SMS: variants seen among roughly 807,000 people sequenced by gnomAD.
SMS encodes spermine synthase, also known as spermidine aminopropyltransferase.
SMS carries 3 observed loss-of-function variants against 33.0 expected under a neutral mutation model. The observed-to-expected ratio is 0.09, with a 90% CI of 0.04 to 0.23. SMS has a LOEUF of 0.23. Among genes scored for constraint, SMS ranks in the 10% least tolerant of loss-of-function variants. The pLI is 1.00. For missense variants in SMS, 117 were observed against 288.6 expected (o/e 0.41, Z 4.31); for synonymous variants, 103 against 112.2 (o/e 0.92, Z 0.52).
At chrX:21,949,404 T>C (rs915687443) in intron 1 of SMS, among the ~76,000 whole-genome samples, 11 of 112,191 alleles carry the variant, frequency 9.8e-5, no homozygotes, top group Admixed American at 2.8e-4. Flanking sequence ...TGCTCAGTTA[T>C]AAAGAGGTGT....
At chrX:21,956,460 A>C (rs940430755) in intron 1 of SMS, among the ~76,000 whole-genome samples, 1 of 105,038 alleles carries the variant, frequency 9.5e-6, no homozygotes, top group Non-Finnish European at 2.0e-5. Flanking sequence ...ATTTTTTTTT[A>C]TTTTTATTTT....
rs777725645 is a variant in SMS, at chrX:21,978,985, A to G, written c.750+19A>G. On this transcript the variant is annotated intron_variant, in intron 7 of 10. Coordinates refer to ENST00000404933, the MANE Select transcript of SMS (RefSeq NM_004595.5). Reference sequence around the variant, plus strand: ...CTATCAGGTAATTGTTTTCTGGATAATGTAGTTTTAAGTGAACTAATAATA... The same window carrying G: ...CTATCAGGTAATTGTTTTCTGGATAGTGTAGTTTTAAGTGAACTAATAATA... 8.4e-6 allele frequency: 9 copies of G among 1,070,371 alleles called. No individual in the cohort carries two copies. Among genetic ancestry groups the G allele is most frequent in the Non-Finnish European group, 1.2e-5 (9 of 768,048 alleles). The allele number at this position is 1,070,371 out of a possible 1,213,427, so 88.2% of individuals were successfully genotyped here.
chrX:21,988,035 G>T (rs1409596068), intron 9 of SMS, among the ~76,000 whole-genome samples: 1 of 112,356 alleles, frequency 8.9e-6, no homozygotes, highest in Non-Finnish European at 1.9e-5. Flanking sequence ...GCCCAGGGCT[G>T]TCTTGGTTTC....
intron 2 of SMS, 62 bp downstream of exon 2, chrX:21,967,378 G>A: frequency 8.7e-7 from 1 of 1,152,348 alleles, no homozygotes; most frequent in South Asian, 1.8e-5. Flanking sequence ...GGGTGACAGA[G>A]TGGAGGATGG....
chrX:21,965,826 C>T (rs374674723), intron 1 of SMS, among the ~76,000 whole-genome samples: 95 of 110,262 alleles, frequency 8.6e-4, no homozygotes, highest in Non-Finnish European at 1.6e-3. Context: ...CATGGTGGTT[C>T]GCACCTGTAG....
intron 5 of SMS, 132 bp from the exon 6 acceptor site, chrX:21,977,828 T>G (rs1602211113): frequency 2.7e-5 from 18 of 656,683 alleles, no homozygotes; most frequent in Middle Eastern, 3.0e-4. Context: ...GCTTGCAAAT[T>G]GTTCACAGTT....
At chrX:21,990,033 C>T (rs1371287352) in intron 9 of SMS, among the ~76,000 whole-genome samples, 2 of 112,186 alleles carry the variant, frequency 1.8e-5, no homozygotes, top group Non-Finnish European at 3.8e-5. Flanking sequence ...TGAGCCGCCA[C>T]ACCTGGCCCC....
chrX:21,948,177 C>T (rs958906381), intron 1 of SMS, among the ~76,000 whole-genome samples: 1 of 111,260 alleles, frequency 9.0e-6, no homozygotes, highest in African/African-American at 3.3e-5. Context: ...CAAGTTATAC[C>T]GATTTCCTTA....
rs987534217 is a variant in SMS at position 21,941,644 on chromosome X, T to C, written c.49+771T>C. ...GCTCACGCCTGTAATCCTAGCACTT[T>C]GGGAGGCCGAGGCGGGCGGATCACG... On this transcript the variant is annotated intron_variant, in intron 1 of 10. Transcript: ENST00000404933. 4.7e-4 allele frequency among the ~76,000 whole-genome samples: 51 copies of C among 109,547 alleles called. 1 individual carries two copies. Among genetic ancestry groups the C allele is most frequent in the South Asian group, 3.9e-4 (1 of 2,547 alleles).
intron 4 of SMS, among the ~76,000 whole-genome samples, chrX:21,973,786 G>C (rs1602207336): frequency 8.8e-6 from 1 of 113,351 alleles, no homozygotes; most frequent in Admixed American, 9.2e-5. Flanking sequence ...CTAGTGGTTA[G>C]TGTCTGCCAT....
intron 4 of SMS, among the ~76,000 whole-genome samples, chrX:21,975,658 C>G (rs1924490048): frequency 9.0e-6 from 1 of 111,008 alleles, no homozygotes; most frequent in Non-Finnish European, 1.9e-5. Flanking sequence ...CAAGAAAAAC[C>G]CTCTAGAATG....
chrX:21,946,565 A>G (rs184676855), intron 1 of SMS, among the ~76,000 whole-genome samples: 18 of 111,596 alleles, frequency 1.6e-4, no homozygotes, highest in South Asian at 7.5e-4. Flanking sequence ...GTTTGATTGG[A>G]AGGCTGGTTC....
chrX:21,968,253 C>G (rs1923879488), intron 2 of SMS, among the ~76,000 whole-genome samples: 1 of 112,504 alleles, frequency 8.9e-6, no homozygotes, highest in African/African-American at 3.2e-5. Flanking sequence ...CTCCTAGAGC[C>G]TGGTATTTCT....
intron 1 of SMS, among the ~76,000 whole-genome samples, chrX:21,953,260 C>T (rs1397388719): frequency 9.5e-6 from 1 of 104,815 alleles, no homozygotes; most frequent in African/African-American, 3.6e-5. Flanking sequence ...GAGCCGTGAA[C>T]AAAGAGTTAA....
At chrX:21,954,445 A>C (rs966919052) in intron 1 of SMS, among the ~76,000 whole-genome samples, 4 of 112,362 alleles carry the variant, frequency 3.6e-5, no homozygotes, top group Non-Finnish European at 7.5e-5. Context: ...AAAAATTTGG[A>C]AGTACAGATT....
intron 4 of SMS, among the ~76,000 whole-genome samples, chrX:21,973,672 C>T (rs940482964): frequency 3.5e-5 from 4 of 113,068 alleles, no homozygotes; most frequent in Non-Finnish European, 5.6e-5. Flanking sequence ...TTCAAGTGAT[C>T]ATGAGGAAAA....
chrX:21,942,829 CTTTTTTTTTTTTT>C lies in SMS; in HGVS notation c.49+1966_49+1978del, dbSNP rs772851812. ...ATTTATCGTCCATGGATTTTCTTAACTTTTTTTTTTTTTTTTTTTTTTAATTCTGAGATGGAGT... is the reference window on the plus strand; with the variant it reads ...ATTTATCGTCCATGGATTTTCTTAACTTTTTTTTTAATTCTGAGATGGAGT... On this transcript the variant is annotated intron_variant, in intron 1 of 10. Coordinates refer to ENST00000404933, the MANE Select transcript of SMS (RefSeq NM_004595.5). Among the ~76,000 whole-genome samples, 19 of 81,890 alleles carry C rather than the reference CTTTTTTTTTTTTT, an allele frequency of 2.3e-4. 1 individual carries two copies. The Admixed American group carries it at 2.5e-3, about 11-fold the overall frequency. The allele number at this position is 81,890 out of a possible 115,157, so 71.1% of individuals were successfully genotyped here. A position where few individuals can be genotyped will look rare whatever the true frequency, so the allele number is the denominator to read the frequency against.
rs766298492 is a variant in SMS, at chrX:21,980,513, A to T, written c.750+1547A>T. Among the ~76,000 whole-genome samples, 47 of 106,473 alleles carry T rather than the reference A, an allele frequency of 4.4e-4. 1 individual carries two copies. In the South Asian group the frequency reaches 0.019, roughly 44 times the overall value. 92.5% of individuals were successfully genotyped at this position (106,473 alleles called of 115,157 possible). On this transcript the variant is annotated intron_variant, in intron 7 of 10. Coordinates refer to ENST00000404933, the MANE Select transcript of SMS (RefSeq NM_004595.5). ...ATCTAAAATAAAAGTTAAATTATAA[A>T]TTACTTGAATAAAATAAAATTGCAA...
intron 10 of SMS, 75 bp downstream of exon 10, chrX:21,992,787 A>G: frequency 3.4e-6 from 2 of 591,764 alleles, no homozygotes; most frequent in Non-Finnish European, 5.7e-6. Context: ...AAAAATTTAA[A>G]TCACAATAAT....
Sources: gnomAD v4.1 joint callset for allele counts (sites outside exome capture counted in the v4.1 genomes callset) on GRCh38, gnomAD v4.1.1 for gene constraint, MANE v1.5 for transcripts, NCBI Gene and HGNC (gene_info 2026-07-23, HGNC 2026-07-21) for gene names.